Variants in SRGAP2 observed in about 807,000 individuals in gnomAD.
The protein encoded by SRGAP2 is SLIT-ROBO Rho GTPase activating protein 2.
A neutral mutation model predicts 57.2 loss-of-function variants in SRGAP2; 15 were observed. That is an observed-to-expected ratio of 0.26 (90% CI 0.18 to 0.40). The LOEUF is 0.40. Among genes scored for constraint, SRGAP2 ranks in the 10% least tolerant of loss-of-function variants. The pLI, the probability that SRGAP2 is intolerant of heterozygous loss-of-function variation, is 1.00. For missense variants in SRGAP2, 520 were observed against 669.6 expected (o/e 0.78, Z 2.47); for synonymous variants, 249 against 248.0 (o/e 1.00, Z -0.04).
At chr1:206,418,539 G>A (rs1553362902) in intron 11 of SRGAP2, among the ~76,000 whole-genome samples, 1 of 152,238 alleles carries the variant, frequency 6.6e-6, no homozygotes, top group Non-Finnish European at 1.5e-5. Flanking sequence ...ATCTAAAACA[G>A]ATTGAGCTTC....
intron 2 of SRGAP2, among the ~76,000 whole-genome samples, chr1:206,253,131 G>A (rs533813128): frequency 1.3e-5 from 2 of 149,208 alleles, no homozygotes; most frequent in South Asian, 2.2e-4. Flanking sequence ...TGTTGAGGTC[G>A]GGTGTCTGTC....
intron 3 of SRGAP2, among the ~76,000 whole-genome samples, chr1:206,327,203 TG>T (rs1277547963): frequency 2.6e-5 from 4 of 152,030 alleles, no homozygotes; most frequent in African/African-American, 9.7e-5. Context: ...GGCACATGCC[TG>T]TAATCCCAGC....
At chr1:206,324,795 C>G (rs1673749133) in intron 3 of SRGAP2, among the ~76,000 whole-genome samples, 1 of 152,088 alleles carries the variant, frequency 6.6e-6, no homozygotes, top group African/African-American at 2.4e-5. Context: ...AAACAATCAT[C>G]GTAGTTGGAC....
At chr1:206,277,945 C>T (rs1355203051) in intron 2 of SRGAP2, among the ~76,000 whole-genome samples, 1 of 151,150 alleles carries the variant, frequency 6.6e-6, no homozygotes, top group Non-Finnish European at 1.5e-5. Context: ...TGCCACTGCA[C>T]TCCAGCCTGG....
chr1:206,289,452 T>G (rs1177545061), intron 2 of SRGAP2, among the ~76,000 whole-genome samples: 2 of 151,056 alleles, frequency 1.3e-5, no homozygotes, highest in African/African-American at 4.8e-5. Flanking sequence ...TTTTTGTATT[T>G]TTTTTTAGTA....
chr1:206,239,575 A>C (rs1553308679), intron 2 of SRGAP2, among the ~76,000 whole-genome samples: 1 of 151,556 alleles, frequency 6.6e-6, no homozygotes, highest in East Asian at 2.0e-4. Context: ...CTTGTGCCTC[A>C]GCCTCCCGAG....
rs1664333692 is a variant in SRGAP2, at chr1:206,462,507, A to G, written c.*1087A>G. On this transcript the variant is annotated 3_prime_UTR_variant, in exon 23 of 23. Transcript: ENST00000573034. ...TAAAAAATTAAATTCAGCTTTGCTA[A>G]TCCAGAAATTGTTCCCAAATGAAAA... is the stretch of plus-strand genomic sequence containing the variant. The G allele has an allele frequency of 6.6e-6, 1 of 152,648 alleles. No homozygotes were observed. The highest frequency in any genetic ancestry group is 2.1e-4 in the South Asian group (1 of 4,836). 9.5% of individuals were successfully genotyped at this position (152,648 alleles called of 1,614,324 possible). A position where few individuals can be genotyped will look rare whatever the true frequency, so the allele number is the denominator to read the frequency against.
intron 3 of SRGAP2, among the ~76,000 whole-genome samples, chr1:206,326,391 C>CTCCA (rs2102854553): frequency 6.6e-6 from 1 of 151,916 alleles, no homozygotes. Context: ...TTTCAGGCGC[C>CTCCA]GTTAGGCAGC....
intron 20 of SRGAP2, chr1:206,453,946 CA>C: frequency 1.8e-6 from 1 of 555,122 alleles, no homozygotes; most frequent in South Asian, 2.6e-5. Context: ...TGTCAAGGAA[CA>C]AAGGAAACCT....
chr1:206,354,261 G>A (rs2102966166), intron 4 of SRGAP2, among the ~76,000 whole-genome samples: 1 of 152,300 alleles, frequency 6.6e-6, no homozygotes, highest in South Asian at 2.1e-4. Flanking sequence ...TGAAGAGTAT[G>A]AAGTTTTATT....
intron 4 of SRGAP2, among the ~76,000 whole-genome samples, chr1:206,347,519 G>C (rs1675726724): frequency 6.7e-6 from 1 of 150,280 alleles, no homozygotes; most frequent in African/African-American, 2.5e-5. Context: ...GGAGGTTGCA[G>C]TGAGCAGAGA....
intron 14 of SRGAP2, among the ~76,000 whole-genome samples, chr1:206,435,047 C>T (rs1661606616): frequency 6.6e-6 from 1 of 152,136 alleles, no homozygotes; most frequent in Admixed American, 6.5e-5. Flanking sequence ...TATTATAGTC[C>T]TATTACACTG....
At position 206,446,283 on chromosome 1, in the gene SRGAP2, A is replaced by C. The variant is rs1553373766; in HGVS notation, c.2083A>C (p.Ser695Arg). ...LEGPVYSRGG[S>R]MEDYCDSPHG... ...GGGCCCTGTCTACAGCAGAGGAGGA[A>C]GCATGGAGGATTACTGGTAGGGGGG... Residue 695 changes from serine (S) to arginine (R), a missense_variant, in exon 18 of 23, where the codon AGC becomes CGC. Physicochemically the swap from Ser to Arg is moderately radical, Grantham distance 110. Around this residue, in one of 5 missense-constraint regions of SRGAP2, gnomAD observed 478 missense variants for 373.6 expected, o/e 1.28. Coordinates refer to ENST00000573034, the MANE Select transcript of SRGAP2 (RefSeq NM_015326.5). 1.3e-6 allele frequency: 1 copy of C among 780,860 alleles called. No homozygotes were observed. Among genetic ancestry groups the C allele is most frequent in the East Asian group, 2.4e-5 (1 of 41,248 alleles). The allele number at this position is 780,860 out of a possible 1,614,324, so 48.4% of individuals were successfully genotyped here. A position where few individuals can be genotyped will look rare whatever the true frequency, so the allele number is the denominator to read the frequency against.
chr1:206,366,501 TG>T (rs1553341681), intron 4 of SRGAP2, among the ~76,000 whole-genome samples: 2 of 151,600 alleles, frequency 1.3e-5, no homozygotes, highest in African/African-American at 2.4e-5. Flanking sequence ...CCCCAGGATT[TG>T]GGGGGTGGGG....
chr1:206,454,221 AGC>A lies in SRGAP2; in HGVS notation c.2361-656_2361-655del. On this transcript the variant is annotated intron_variant, in intron 20 of 22. Coordinates refer to ENST00000573034, the MANE Select transcript of SRGAP2 (RefSeq NM_015326.5). This position sits in a 1 kb window ranked among gnomAD's most constrained non-coding sequence, Gnocchi z 4.3. ...GCAGGGAAATCCTCCCTCTGTTGAT[AGC>A]ATCGCAAACCTGGTGGCAATCTGTG... The A allele has an allele frequency of 1.4e-6, 1 of 702,282 alleles. No individual in the cohort carries two copies. Among genetic ancestry groups the A allele is most frequent in the Admixed American group, 2.0e-5 (1 of 49,992 alleles). The allele number at this position is 702,282 out of a possible 1,614,324, so 43.5% of individuals were successfully genotyped here. A position where few individuals can be genotyped will look rare whatever the true frequency, so the allele number is the denominator to read the frequency against.
chr1:206,322,409 T>C (rs1673523561), intron 3 of SRGAP2, among the ~76,000 whole-genome samples: 1 of 146,840 alleles, frequency 6.8e-6, no homozygotes, highest in South Asian at 2.2e-4. Context: ...CTGTCTCTAC[T>C]AAAAAATACA....
intron 4 of SRGAP2, among the ~76,000 whole-genome samples, chr1:206,353,200 AT>A (rs544258737): frequency 1.3e-4 from 20 of 151,938 alleles, no homozygotes; most frequent in Non-Finnish European, 4.4e-5. Flanking sequence ...TTTGGCAAAT[AT>A]TTTTTTCTGT....
At chr1:206,410,111 A>G (rs1659081356) in intron 10 of SRGAP2, among the ~76,000 whole-genome samples, 1 of 152,178 alleles carries the variant, frequency 6.6e-6, no homozygotes, top group African/African-American at 2.4e-5. Flanking sequence ...TCAATCGATC[A>G]ATCAATCAAT....
At chr1:206,427,183 T>A (rs1351363303) in intron 13 of SRGAP2, among the ~76,000 whole-genome samples, 1 of 152,196 alleles carries the variant, frequency 6.6e-6, no homozygotes, top group Non-Finnish European at 1.5e-5. Context: ...CTTCTGCTGC[T>A]ATTATTTGTA....
Sources: gnomAD v4.1 joint callset for allele counts (sites outside exome capture counted in the v4.1 genomes callset) on GRCh38, gnomAD v4.1.1 for gene constraint, gnomAD v4.1.1 regional missense constraint, Gnocchi (gnomAD v3.1) non-coding constraint, MANE v1.5 for transcripts, NCBI Gene and HGNC (gene_info 2026-07-23, HGNC 2026-07-21) for gene names.